The following CDH4 variants were observed in gnomAD, a reference collection of about 807,000 sequenced individuals.
CDH4 encodes cadherin-4.
Under a neutral mutation model 86.0 loss-of-function variants are expected in CDH4, and 33 were observed. The ratio of observed to expected loss-of-function variants is 0.38; its 90% CI spans 0.29 to 0.51. The LOEUF (loss-of-function observed/expected upper bound fraction) is 0.51, where lower values mean the gene tolerates loss of function less well. CDH4 is among the 20% of genes least tolerant of loss of function. The probability of loss-of-function intolerance (pLI) is 0.86; values close to 1 mark genes in which losing one functional copy is unlikely to be tolerated. For missense variants in CDH4, 1,114 were observed against 1,307.4 expected (o/e 0.85, Z 2.28); for synonymous variants, 555 against 549.4 (o/e 1.01, Z -0.14).
Position 61,891,145 on chromosome 20 carries a change from G to A in CDH4, c.1051-3765G>A, listed in dbSNP as rs932960021. Among the ~76,000 whole-genome samples the A allele has an allele frequency of 6.6e-5, 10 of 152,106 alleles. 1 individual carries two copies. Among genetic ancestry groups the A allele is most frequent in the East Asian group, 1.9e-4 (1 of 5,180 alleles). The stretch of plus-strand genomic sequence containing the variant: ...GTGGGGTGCACAGTGCAGACAGGGC[G>A]CCATGTGGGGCAAATGTTGGGGTAA... On this transcript the variant is annotated intron_variant, in intron 7 of 15. Transcript: ENST00000614565.
chr20:61,604,022 C>T (rs2086623540), intron 2 of CDH4, among the ~76,000 whole-genome samples: 1 of 152,164 alleles, frequency 6.6e-6, no homozygotes, highest in African/African-American at 2.4e-5. Context: ...TTAAAACCCA[C>T]AGGGAACTAC....
At chr20:61,514,337 G>A (rs979913820) in intron 2 of CDH4, among the ~76,000 whole-genome samples, 7 of 834 alleles carry the variant, frequency 8.4e-3, no homozygotes, top group East Asian at 0.071. Flanking sequence ...CCCCACCCCC[G>A]ATGTCTATGT....
intron 4 of CDH4, among the ~76,000 whole-genome samples, chr20:61,839,959 G>GTA (rs1982085534): frequency 6.6e-6 from 1 of 151,836 alleles, no homozygotes; most frequent in Non-Finnish European, 1.5e-5. Context: ...TGCATGGTGT[G>GTA]TGTGTGTGTC....
intron 3 of CDH4, among the ~76,000 whole-genome samples, chr20:61,749,697 C>T (rs1178523531): frequency 2.6e-5 from 4 of 152,056 alleles, no homozygotes; most frequent in African/African-American, 9.7e-5. Flanking sequence ...AATAAAACTA[C>T]TGGGATGTAG....
chr20:61,284,980 G>C (rs2084284982), intron 2 of CDH4, among the ~76,000 whole-genome samples: 1 of 152,162 alleles, frequency 6.6e-6, no homozygotes. Flanking sequence ...GCTGTGGTTT[G>C]TCCCTCCCTG....
At chr20:61,536,817 C>T (rs77220509) in intron 2 of CDH4, among the ~76,000 whole-genome samples, 3,349 of 152,208 alleles carry the variant, frequency 0.022, 84 homozygotes, top group Middle Eastern at 0.061. Context: ...CCCACAGTGA[C>T]GAGAGGAAGG....
chr20:61,284,044 C>T (rs138485182), intron 2 of CDH4, among the ~76,000 whole-genome samples: 87 of 152,102 alleles, frequency 5.7e-4, no homozygotes, highest in Admixed American at 1.2e-3. Flanking sequence ...CGGTGGCTCA[C>T]ACCTGTAATC....
intron 2 of CDH4, among the ~76,000 whole-genome samples, chr20:61,697,026 G>T (rs77975908): frequency 0.016 from 2,403 of 152,266 alleles, 63 homozygotes; most frequent in African/African-American, 0.056. Flanking sequence ...AGGCTGGAAG[G>T]GCCCTCCCCT....
intron 2 of CDH4, among the ~76,000 whole-genome samples, chr20:61,649,877 C>T (rs1181410015): frequency 6.6e-6 from 1 of 152,176 alleles, no homozygotes; most frequent in Non-Finnish European, 1.5e-5. Context: ...CTTTTGTTAG[C>T]CTGTGTCTGA....
chr20:61,549,795 A>C (rs550266117), intron 2 of CDH4, among the ~76,000 whole-genome samples: 3 of 152,236 alleles, frequency 2.0e-5, no homozygotes, highest in Non-Finnish European at 4.4e-5. Context: ...CGCTTAGCGC[A>C]TGGGAAACAT....
chr20:61,539,732 G>T (rs903780572), intron 2 of CDH4, among the ~76,000 whole-genome samples: 1 of 152,176 alleles, frequency 6.6e-6, no homozygotes, highest in Non-Finnish European at 1.5e-5. Flanking sequence ...GCTCCTGGTG[G>T]TGTCCCCCCC....
chr20:61,679,504 G>A (rs1310870506), intron 2 of CDH4, among the ~76,000 whole-genome samples: 2 of 152,298 alleles, frequency 1.3e-5, no homozygotes, highest in Admixed American at 6.5e-5. Context: ...TCTAGATTCC[G>A]AAAGAATGGC....
At chr20:61,840,356 G>T (rs941399481) in intron 4 of CDH4, among the ~76,000 whole-genome samples, 1 of 152,152 alleles carries the variant, frequency 6.6e-6, no homozygotes, top group Non-Finnish European at 1.5e-5. Context: ...AAGTGTCTGC[G>T]ATTCAAAACC....
Position 61,367,265 on chromosome 20 carries a change from TGCTC to T in CDH4, c.169+112333_169+112336del, listed in dbSNP as rs373219159. ...ACACCTGAGAGTGTCTTCAGTTAAA[TGCTC>T]GCTCTGTGCTAAACACATTCTGGAG... is the stretch of plus-strand genomic sequence containing the variant. On this transcript the variant is annotated intron_variant, in intron 2 of 15. Coordinates refer to ENST00000614565, the MANE Select transcript of CDH4 (RefSeq NM_001794.5). Among the ~76,000 whole-genome samples the T allele has an allele frequency of 3.0e-3, 450 of 152,312 alleles. 1 individual carries two copies. The highest frequency in any genetic ancestry group is 9.5e-3 in the South Asian group (46 of 4,832).
chr20:61,633,065 C>T (rs2086909990), intron 2 of CDH4, among the ~76,000 whole-genome samples: 1 of 150,646 alleles, frequency 6.6e-6, no homozygotes, highest in South Asian at 2.1e-4. Flanking sequence ...TCTTCATTCA[C>T]CCATCCATCT....
intron 2 of CDH4, among the ~76,000 whole-genome samples, chr20:61,346,970 A>G (rs1427653095): frequency 1.3e-5 from 2 of 152,028 alleles, no homozygotes; most frequent in African/African-American, 2.4e-5. Flanking sequence ...ATTGGCACAC[A>G]TGTCTCATAA....
intron 2 of CDH4, among the ~76,000 whole-genome samples, chr20:61,397,700 G>T (rs1388684226): frequency 3.3e-5 from 5 of 152,162 alleles, no homozygotes; most frequent in Non-Finnish European, 5.9e-5. Context: ...GTTAGAAAAA[G>T]AATTCCCTCC....
intron 9 of CDH4, 150 bp downstream of exon 9, chr20:61,910,757 C>T: frequency 1.4e-6 from 1 of 697,034 alleles, no homozygotes. Context: ...CTGCTGGAGG[C>T]AGACACAACC....
intron 2 of CDH4, among the ~76,000 whole-genome samples, chr20:61,541,409 G>A (rs2086038447): frequency 6.6e-6 from 1 of 152,226 alleles, no homozygotes; most frequent in South Asian, 2.1e-4. Flanking sequence ...CATGTAGGGT[G>A]TGTTTCTGTT....
Sources: gnomAD v4.1 joint callset for allele counts (sites outside exome capture counted in the v4.1 genomes callset) on GRCh38, gnomAD v4.1.1 for gene constraint, MANE v1.5 for transcripts, NCBI Gene and HGNC (gene_info 2026-07-23, HGNC 2026-07-21) for gene names.